The following WDFY3 variants were observed in gnomAD, a reference collection of about 807,000 sequenced individuals.
WDFY3 encodes the protein WD repeat and FYVE domain containing 3.
In WDFY3, 66 loss-of-function variants were observed where a neutral mutation model predicts 409.6. The observed-to-expected ratio is 0.16, with a 90% confidence interval of 0.13 to 0.20. The LOEUF is 0.20. Ranked by LOEUF, WDFY3 falls within the 10% of genes least tolerant of loss-of-function variation. The pLI, the probability that WDFY3 is intolerant of heterozygous loss-of-function variation, is 1.00. For synonymous variants in WDFY3, 1,521 were observed against 1,537.1 expected, an observed-to-expected ratio of 0.99 and a Z score of 0.25; for missense variants, 3,031 against 4,298.1, an observed-to-expected ratio of 0.71 and a Z score of 8.24.
At chr4:84,713,890 G>A (rs569226860) in intron 50 of WDFY3, among the ~76,000 whole-genome samples, 14 of 152,128 alleles carry the variant, frequency 9.2e-5, no homozygotes, top group African/African-American at 2.4e-4. Context: ...AGGCCGAGGC[G>A]GGCAGATCAT....
At chr4:84,815,738 T>C (rs553599686) in intron 13 of WDFY3, among the ~76,000 whole-genome samples, 1 of 152,144 alleles carries the variant, frequency 6.6e-6, no homozygotes, top group African/African-American at 2.4e-5. Flanking sequence ...TATCAGGAGG[T>C]GTATGCTATT....
At chr4:84,773,482 C>G (rs1480183057) in intron 29 of WDFY3, among the ~76,000 whole-genome samples, 1 of 151,970 alleles carries the variant, frequency 6.6e-6, no homozygotes, top group Non-Finnish European at 1.5e-5. Flanking sequence ...GTAGGGGGAA[C>G]AGGAGAAGAA....
intron 13 of WDFY3, among the ~76,000 whole-genome samples, chr4:84,816,714 C>CATTTCTTATAAT (rs1278635493): frequency 4.6e-5 from 7 of 151,972 alleles, no homozygotes; most frequent in African/African-American, 1.4e-4. Flanking sequence ...TCTTACATAT[C>CATTTCTTATAAT]ATTTCTTATA....
At chr4:84,720,007 G>A (rs1205392412) in intron 47 of WDFY3, among the ~76,000 whole-genome samples, 2 of 152,152 alleles carry the variant, frequency 1.3e-5, no homozygotes, top group Admixed American at 1.3e-4. Context: ...ATAGGCAAAA[G>A]AACATCCTTT....
chr4:84,911,344 T>A (rs952676619), intron 2 of WDFY3, among the ~76,000 whole-genome samples: 2 of 152,048 alleles, frequency 1.3e-5, no homozygotes, highest in African/African-American at 2.4e-5. Context: ...AAATATTAGC[T>A]GAGCATGTGG....
chr4:84,693,864 C>T (rs1308286732), intron 58 of WDFY3, among the ~76,000 whole-genome samples: 1 of 146,908 alleles, frequency 6.8e-6, no homozygotes, highest in African/African-American at 2.5e-5. Flanking sequence ...CACTGCACTC[C>T]AGCCTGGGGC....
chr4:84,834,002 T>C (rs982111567), intron 7 of WDFY3, among the ~76,000 whole-genome samples: 3 of 152,220 alleles, frequency 2.0e-5, no homozygotes, highest in Admixed American at 6.5e-5. Context: ...TCCATTAATA[T>C]GTGTAATATG....
chr4:84,673,328 C>CTT (rs1725733612), intron 67 of WDFY3, among the ~76,000 whole-genome samples: 2 of 152,100 alleles, frequency 1.3e-5, no homozygotes, highest in African/African-American at 4.8e-5. Context: ...TTCTCATGGC[C>CTT]TATAAGCTTG....
At chr4:84,815,671 T>A (rs1753189915) in intron 13 of WDFY3, among the ~76,000 whole-genome samples, 1 of 152,154 alleles carries the variant, frequency 6.6e-6, no homozygotes, top group African/African-American at 2.4e-5. Context: ...AGATTCATAT[T>A]ATATACTTTT....
At position 84,672,773 on chromosome 4, in the gene WDFY3, T is replaced by C; in HGVS notation, c.*95A>G. 6.5e-7 allele frequency: 1 copy of C among 1,528,526 alleles called. No homozygotes were observed. The highest frequency in any genetic ancestry group is 1.2e-5 in the South Asian group (1 of 80,420). The allele number at this position is 1,528,526 out of a possible 1,614,324, so 94.7% of individuals were successfully genotyped here. A position where few individuals can be genotyped will look rare whatever the true frequency, so the allele number is the denominator to read the frequency against. On this transcript the variant is annotated 3_prime_UTR_variant, in exon 68 of 68. Coordinates refer to ENST00000295888, the MANE Select transcript of WDFY3 (RefSeq NM_014991.6). Reference sequence around the variant, plus strand: ...TTCAAACACGTGGTATGAAGAGATGTGTAAACGGAGACTGTTTTCAATGCC... The same window carrying C: ...TTCAAACACGTGGTATGAAGAGATGCGTAAACGGAGACTGTTTTCAATGCC...
intron 3 of WDFY3, among the ~76,000 whole-genome samples, chr4:84,864,668 A>C (rs569927392): frequency 1.7e-4 from 26 of 152,288 alleles, no homozygotes; most frequent in Non-Finnish European, 3.1e-4. Context: ...CCAAGATAAC[A>C]ACTCATTCAA....
At chr4:84,913,716 A>G (rs1768082588) in intron 2 of WDFY3, among the ~76,000 whole-genome samples, 1 of 152,102 alleles carries the variant, frequency 6.6e-6, no homozygotes, top group South Asian at 2.1e-4. Flanking sequence ...AAATGGTGGA[A>G]GAAGGATTGG....
At chr4:84,902,342 T>C (rs191305939) in intron 2 of WDFY3, among the ~76,000 whole-genome samples, 4 of 152,234 alleles carry the variant, frequency 2.6e-5, no homozygotes, top group African/African-American at 7.2e-5. Context: ...GAATCAACAA[T>C]AAAAACAATT....
At chr4:84,937,604 T>C (rs1181694886) in intron 1 of WDFY3, among the ~76,000 whole-genome samples, 1 of 152,166 alleles carries the variant, frequency 6.6e-6, no homozygotes, top group Non-Finnish European at 1.5e-5. Context: ...CTCATCGAAG[T>C]AGCCAGAGTG....
intron 10 of WDFY3, among the ~76,000 whole-genome samples, chr4:84,823,716 C>T (rs530909190): frequency 2.2e-4 from 34 of 152,060 alleles, no homozygotes; most frequent in Admixed American, 2.0e-4. Context: ...ATTAAAATAA[C>T]AATTAGACAT....
At chr4:84,916,605 A>G (rs930845490) in intron 2 of WDFY3, among the ~76,000 whole-genome samples, 1 of 152,304 alleles carries the variant, frequency 6.6e-6, no homozygotes, top group East Asian at 1.9e-4. Flanking sequence ...TCAATGTATC[A>G]AGAATGTTGT....
At chr4:84,921,169 A>C (rs1769218011) in intron 2 of WDFY3, among the ~76,000 whole-genome samples, 1 of 152,206 alleles carries the variant, frequency 6.6e-6, no homozygotes, top group Non-Finnish European at 1.5e-5. Flanking sequence ...AACATAATTG[A>C]TATAGTCATA....
chr4:84,963,107 AAAAC>A (rs1281336093), intron 1 of WDFY3, among the ~76,000 whole-genome samples: 4 of 151,694 alleles, frequency 2.6e-5, no homozygotes, highest in South Asian at 4.2e-4. Flanking sequence ...TTAAAATGTA[AAAAC>A]AAACAAACAA....
chr4:84,736,476 A>T (rs1560626813), intron 41 of WDFY3, 149 bp from the exon 42 acceptor site: 2 of 732,442 alleles, frequency 2.7e-6, no homozygotes, highest in Non-Finnish European at 3.9e-6. Flanking sequence ...AGATATCACA[A>T]ATTTATTTAT....
Sources: allele counts gnomAD v4.1 joint callset (sites outside exome capture counted in the v4.1 genomes callset), GRCh38; gene constraint gnomAD v4.1.1; transcripts MANE v1.5; gene names NCBI Gene and HGNC (gene_info 2026-07-23, HGNC 2026-07-21).